Variants in CYTH3 observed in about 807,000 individuals in gnomAD.
CYTH3 encodes the protein cytohesin 3.
CYTH3 carries 23 observed loss-of-function variants against 55.1 expected under a neutral mutation model. The observed-to-expected ratio is 0.42, with a 90% CI of 0.30 to 0.59. The LOEUF is 0.59. Ranked by LOEUF, CYTH3 falls within the 20% of genes least tolerant of loss-of-function variation. The pLI is 0.20. For missense variants in CYTH3, 413 were observed against 524.8 expected (o/e 0.79, Z 2.08); for synonymous variants, 249 against 194.9 (o/e 1.28, Z -2.31).
Position 6,177,927 on chromosome 7 carries a change from T to C in CYTH3, c.264A>G (p.Leu88=). Residue 88 remains leucine, a synonymous_variant, in exon 5 of 13, where the codon CTA becomes CTG. Coordinates refer to ENST00000350796, the MANE Select transcript of CYTH3 (RefSeq NM_004227.4). Reference sequence around the variant, plus strand: ...AACTCTGTAGCAGGTCATTTTCTATTAGAAACTGAATTCCCTGAAGAACAT... The same window carrying C: ...AACTCTGTAGCAGGTCATTTTCTATCAGAAACTGAATTCCCTGAAGAACAT... ...NMDPKKGIQF[L]IENDLLQSSP... is the part of the protein sequence containing the mutation. The C allele has an allele frequency of 1.9e-6, 3 of 1,613,674 alleles. No individual in the cohort carries two copies. Among genetic ancestry groups the C allele is most frequent in the Non-Finnish European group, 1.7e-6 (2 of 1,179,566 alleles).
chr7:6,183,625 T>C (rs1450022377), intron 4 of CYTH3, among the ~76,000 whole-genome samples: 1 of 152,230 alleles, frequency 6.6e-6, no homozygotes, highest in Non-Finnish European at 1.5e-5. Context: ...AATGTCTTCA[T>C]GCTTCATAGT....
chr7:6,212,708 C>T (rs1784348140), intron 1 of CYTH3: 1 of 152,120 alleles, frequency 6.6e-6, no homozygotes, highest in Non-Finnish European at 1.5e-5. Flanking sequence ...TGTAACTGAA[C>T]AATCGATATA....
At chr7:6,173,933 G>T (rs919766022) in intron 5 of CYTH3, among the ~76,000 whole-genome samples, 200 bp from the exon 6 acceptor site, 1 of 152,056 alleles carries the variant, frequency 6.6e-6, no homozygotes, top group Admixed American at 6.6e-5. Context: ...GGGCTCAAGT[G>T]GTCCTCCCAC....
At chr7:6,217,602 G>A (rs1318429114) in intron 1 of CYTH3, among the ~76,000 whole-genome samples, 1 of 152,160 alleles carries the variant, frequency 6.6e-6, no homozygotes, top group Non-Finnish European at 1.5e-5. Context: ...ATTATAGTCA[G>A]AGAATTCAAT....
chr7:6,229,647 T>G (rs1239893628), intron 1 of CYTH3, among the ~76,000 whole-genome samples: 3 of 117,068 alleles, frequency 2.6e-5, no homozygotes, highest in African/African-American at 8.8e-5. Flanking sequence ...CCGTCTCTAC[T>G]GAAAAAAAAA....
chr7:6,242,117 C>T (rs1779688348), intron 1 of CYTH3, among the ~76,000 whole-genome samples: 1 of 152,128 alleles, frequency 6.6e-6, no homozygotes, highest in Non-Finnish European at 1.5e-5. Context: ...CGCTCTGTCA[C>T]CCAGGCTGGA....
At chr7:6,173,134 A>C in intron 6 of CYTH3, 1 of 937,022 alleles carries the variant, frequency 1.1e-6, no homozygotes, top group African/African-American at 1.8e-5. Context: ...CAGGGCACCA[A>C]GGAAGGAAGC....
At chr7:6,200,589 T>C (rs760595734) in intron 1 of CYTH3, among the ~76,000 whole-genome samples, 7 of 152,214 alleles carry the variant, frequency 4.6e-5, no homozygotes, top group Admixed American at 1.3e-4. Context: ...CTTTTTAGAT[T>C]TTTGGTCAGT....
chr7:6,183,741 C>T (rs1177487989), intron 4 of CYTH3, among the ~76,000 whole-genome samples: 1 of 151,966 alleles, frequency 6.6e-6, no homozygotes, highest in African/African-American at 2.4e-5. Context: ...CGTGTCCCCC[C>T]CACAATTCAT....
chr7:6,214,396 T>C (rs1219029556), intron 1 of CYTH3, among the ~76,000 whole-genome samples: 2 of 152,270 alleles, frequency 1.3e-5, no homozygotes, highest in African/African-American at 4.8e-5. Flanking sequence ...ATGATTTTAA[T>C]GGCATTTTCC....
chr7:6,204,998 T>C (rs1784151967), intron 1 of CYTH3, among the ~76,000 whole-genome samples: 1 of 152,058 alleles, frequency 6.6e-6, no homozygotes, highest in Admixed American at 6.5e-5. Flanking sequence ...AGACCCTGTC[T>C]CTATTAAAAA....
At chr7:6,166,795 G>A (rs986029511) in intron 9 of CYTH3, among the ~76,000 whole-genome samples, 14 of 152,112 alleles carry the variant, frequency 9.2e-5, no homozygotes, top group Non-Finnish European at 1.8e-4. Context: ...CAGTGCTGCC[G>A]TCCTCCTTTG....
intron 12 of CYTH3, 121 bp downstream of exon 12, chr7:6,165,150 CTG>C (rs999281473): frequency 3.6e-5 from 56 of 1,555,172 alleles, no homozygotes; most frequent in Middle Eastern, 1.9e-4. Context: ...GCCCGGCCCT[CTG>C]GGGTTTCTGG....
intron 2 of CYTH3, among the ~76,000 whole-genome samples, chr7:6,189,813 G>T (rs1321243947): frequency 6.6e-6 from 1 of 152,102 alleles, no homozygotes; most frequent in Non-Finnish European, 1.5e-5. Flanking sequence ...GAGGTGAGCG[G>T]ATCACGAGGT....
At chr7:6,227,029 G>A (rs1241319015) in intron 1 of CYTH3, among the ~76,000 whole-genome samples, 1 of 150,532 alleles carries the variant, frequency 6.6e-6, no homozygotes, top group Non-Finnish European at 1.5e-5. Context: ...GCAGTGAGCT[G>A]AGATCGCGCC....
chr7:6,204,691 G>C (rs2128547618), intron 1 of CYTH3, among the ~76,000 whole-genome samples: 1 of 152,282 alleles, frequency 6.6e-6, no homozygotes, highest in Non-Finnish European at 1.5e-5. Context: ...CTCGATTTTG[G>C]AGAGCCAAGC....
chr7:6,265,949 T>TA (rs1221884891), intron 1 of CYTH3, among the ~76,000 whole-genome samples: 1 of 152,046 alleles, frequency 6.6e-6, no homozygotes, highest in East Asian at 1.9e-4. Context: ...AAAACGGACC[T>TA]AAAAAATGCA....
intron 1 of CYTH3, among the ~76,000 whole-genome samples, chr7:6,193,638 C>G (rs558630537): frequency 6.6e-6 from 1 of 152,288 alleles, no homozygotes; most frequent in Non-Finnish European, 1.5e-5. Context: ...GGCTTCACTA[C>G]GTAACTCTGG....
chr7:6,165,460 G>C (rs548913253), intron 11 of CYTH3, 33 bp from the exon 12 acceptor site: 105 of 1,609,302 alleles, frequency 6.5e-5, no homozygotes, highest in Non-Finnish European at 8.4e-5. Flanking sequence ...AGGCGGTCAG[G>C]GGGGCTTGGG....
Sources: allele counts gnomAD v4.1 joint callset (sites outside exome capture counted in the v4.1 genomes callset), GRCh38; gene constraint gnomAD v4.1.1; transcripts MANE v1.5; gene names NCBI Gene and HGNC (gene_info 2026-07-23, HGNC 2026-07-21).